Variants in CNST observed in about 807,000 individuals in gnomAD.
CNST encodes consortin, connexin sorting protein.
CNST carries 39 observed loss-of-function variants against 72.4 expected under a neutral mutation model. The ratio of observed to expected loss-of-function variants is 0.54; its 90% CI spans 0.42 to 0.70. The LOEUF (loss-of-function observed/expected upper bound fraction) is 0.70, where lower values mean the gene tolerates loss of function less well. CNST is among the 30% of genes least tolerant of loss of function. The probability of loss-of-function intolerance (pLI) is 0.00; values close to 1 mark genes in which losing one functional copy is unlikely to be tolerated. For synonymous variants in CNST, 332 were observed against 320.1 expected (o/e 1.04, Z -0.40); for missense variants, 871 against 868.5 (o/e 1.00, Z -0.04).
intron 4 of CNST, among the ~76,000 whole-genome samples, 163 bp from the exon 5 acceptor site, chr1:246,633,761 A>G (rs1006944531): frequency 6.6e-6 from 1 of 151,832 alleles, no homozygotes; most frequent in African/African-American, 2.4e-5. Context: ...AAAAAAAAAA[A>G]GAGAGAAACA....
At chr1:246,605,934 G>C (rs1320458433) in intron 2 of CNST, 2 of 152,078 alleles carry the variant, frequency 1.3e-5, no homozygotes, top group African/African-American at 4.8e-5. Flanking sequence ...TTGGGACTGG[G>C]TCTGAGGAGG....
At chr1:246,643,768 G>A (rs2103125062) in intron 8 of CNST, among the ~76,000 whole-genome samples, 1 of 152,302 alleles carries the variant, frequency 6.6e-6, no homozygotes, top group East Asian at 1.9e-4. Flanking sequence ...ACCAAACAGT[G>A]TTTTAAAGAG....
intron 2 of CNST, among the ~76,000 whole-genome samples, chr1:246,614,452 T>G (rs1268095886): frequency 1.3e-5 from 2 of 152,138 alleles, no homozygotes; most frequent in Non-Finnish European, 2.9e-5. Flanking sequence ...TGCCACTCTT[T>G]ACCTAGGCCT....
At chr1:246,569,920 A>G in intron 1 of CNST, 2 of 983,528 alleles carry the variant, frequency 2.0e-6, no homozygotes, top group Non-Finnish European at 2.4e-6. Flanking sequence ...AGGACCTTCA[A>G]GAAGATTGAA....
rs1491252940 is a variant in CNST, at chr1:246,642,132, G to GTTTTTTTTT, written c.937+95_937+96insTTTTTTTTT. 36 of 198,350 alleles carry GTTTTTTTTT rather than the reference G, an allele frequency of 1.8e-4. 7 individuals carry two copies. The highest frequency in any genetic ancestry group is 1.8e-3 in the African/African-American group (34 of 18,824). The allele number at this position is 198,350 out of a possible 1,614,324, so 12.3% of individuals were successfully genotyped here. On this transcript the variant is annotated intron_variant, in intron 8 of 10. Transcript: ENST00000366513. The stretch of plus-strand genomic sequence containing the variant: ...ACATCTGAATTGCTGCAAAGGATCT[G>GTTTTTTTTT]GTTTTTTTTTTTTTTTTTTTTTGCA...
intron 1 of CNST, among the ~76,000 whole-genome samples, chr1:246,582,930 T>C (rs937962617): frequency 2.0e-5 from 3 of 152,190 alleles, no homozygotes; most frequent in Non-Finnish European, 4.4e-5. Flanking sequence ...AGATTGAAGG[T>C]GCCTGGGGCC....
chr1:246,581,489 C>T (rs1309397704), intron 1 of CNST, among the ~76,000 whole-genome samples: 2 of 152,234 alleles, frequency 1.3e-5, no homozygotes, highest in Non-Finnish European at 2.9e-5. Context: ...TCCCGAACTC[C>T]TGAGCTCGGG....
chr1:246,614,228 T>C (rs752536487), intron 2 of CNST, among the ~76,000 whole-genome samples: 1 of 152,182 alleles, frequency 6.6e-6, no homozygotes, highest in African/African-American at 2.4e-5. Flanking sequence ...ACCCACCCTG[T>C]GTATAGAGAC....
rs535412331 is a variant in CNST, at chr1:246,577,607, G to C, written c.-52+10944G>C. 8.5e-5 allele frequency among the ~76,000 whole-genome samples: 13 copies of C among 152,174 alleles called. No homozygotes were observed. The South Asian group carries it at 2.5e-3, about 29-fold the overall frequency. On this transcript the variant is annotated intron_variant, in intron 1 of 10. Transcript: ENST00000366513. The stretch of plus-strand genomic sequence containing the variant: ...CCAGTTTTATCCCATTTAGTTCACA[G>C]ATTTTCATTTTGCCTTTTTAATGGG...
At chr1:246,632,709 A>G (rs1664853184) in intron 4 of CNST, among the ~76,000 whole-genome samples, 1 of 152,230 alleles carries the variant, frequency 6.6e-6, no homozygotes, top group Non-Finnish European at 1.5e-5. Context: ...TGTGATACAA[A>G]TGAGAAGGCT....
In CNST at chr1:246,591,626, G is replaced by A. The variant is rs770547864; in HGVS notation, c.64G>A (p.Gly22Ser). The change falls in exon 2 of 11, where the codon GGT becomes AGT. Residue 22 changes from glycine to serine, a missense_variant. Physicochemically the swap from Gly to Ser is moderately conservative, Grantham distance 56. Coordinates refer to ENST00000366513, the MANE Select transcript of CNST (RefSeq NM_152609.3). The part of the protein sequence containing the change: ...QIEPQDGCHP[G>S]DSVERSVTCL... Reference sequence around the variant, plus strand: ...AGAACCACAAGATGGATGTCATCCTGGTGACAGCGTGGAAAGGAGTGTGAC... The same window carrying A: ...AGAACCACAAGATGGATGTCATCCTAGTGACAGCGTGGAAAGGAGTGTGAC... The A allele has an allele frequency of 6.2e-7, 1 of 1,614,166 alleles. No homozygotes were observed. The highest frequency in any genetic ancestry group is 1.7e-5 in the Admixed American group (1 of 60,014).
chr1:246,617,902 A>G (rs1263371341), intron 2 of CNST, among the ~76,000 whole-genome samples: 1 of 152,216 alleles, frequency 6.6e-6, no homozygotes, highest in East Asian at 1.9e-4. Flanking sequence ...GCCACGATAG[A>G]ATTCTATTCT....
In CNST at chr1:246,654,793, G is replaced by A. The variant is rs143951808; in HGVS notation, c.1837-5406G>A. On this transcript the variant is annotated intron_variant, in intron 9 of 10. Transcript: ENST00000366513. The stretch of plus-strand genomic sequence containing the variant: ...CATTACTCAAACAAGTATTTGCTAG[G>A]TGCTATCTATATGTAAATTGCTTAT... Among the ~76,000 whole-genome samples, 1,005 of 150,404 alleles carry A rather than the reference G, an allele frequency of 6.7e-3. 3 individuals are homozygous for A. Among genetic ancestry groups the A allele is most frequent in the Non-Finnish European group, 0.011 (735 of 67,828 alleles).
At chr1:246,612,864 G>A (rs900851068) in intron 2 of CNST, among the ~76,000 whole-genome samples, 1 of 152,124 alleles carries the variant, frequency 6.6e-6, no homozygotes, top group African/African-American at 2.4e-5. Flanking sequence ...CAGCCTGGGT[G>A]ACAGAGTGAG....
In CNST at chr1:246,621,487, A is replaced by T; in HGVS notation, c.438A>T (p.Thr146=). Residue 146 remains threonine (T), a synonymous_variant, in exon 3 of 11, where the codon ACA becomes ACT. Transcript: ENST00000366513. ...AAGAAAAAGTACTAAGCGCAGTCAC[A>T]TATGCTGTTGATGATGAAGAAGCTG... is the stretch of plus-strand genomic sequence containing the variant. ...LMQEKVLSAV[T]YAVDDEEAAE... 6.2e-7 allele frequency: 1 copy of T among 1,614,206 alleles called. No homozygotes were observed. The highest frequency in any genetic ancestry group is 8.5e-7 in the Non-Finnish European group (1 of 1,180,032).
intron 3 of CNST, among the ~76,000 whole-genome samples, chr1:246,626,911 G>A (rs3124080): frequency 0.88 from 134,574 of 152,194 alleles, 59,614 homozygotes; most frequent in South Asian, 0.94. Flanking sequence ...TGCCAACTTC[G>A]TCCCTCTAGT....
In CNST at chr1:246,641,557, A is replaced by G. The variant is rs1665690850; in HGVS notation, c.819-192A>G. Among the ~76,000 whole-genome samples, 3 of 152,130 alleles carry G rather than the reference A, an allele frequency of 2.0e-5. No homozygotes were observed. The South Asian group carries it at 6.2e-4, about 32-fold the overall frequency. Reference sequence around the variant, plus strand: ...CAATAGCAGTTGGCCATCTAAGGAGATAAACACATGATATAGCTGCACTTT... The same window carrying G: ...CAATAGCAGTTGGCCATCTAAGGAGGTAAACACATGATATAGCTGCACTTT... On this transcript the variant is annotated intron_variant, in intron 6 of 10. Coordinates refer to ENST00000366513, the MANE Select transcript of CNST (RefSeq NM_152609.3).
intron 2 of CNST, among the ~76,000 whole-genome samples, chr1:246,620,707 T>G: frequency 8.0e-6 from 1 of 124,560 alleles, no homozygotes; most frequent in African/African-American, 3.2e-5. Flanking sequence ...ACGGCTTCAG[T>G]CGTGGTGCAT....
At chr1:246,584,450 T>C (rs988384027) in intron 1 of CNST, among the ~76,000 whole-genome samples, 6 of 151,984 alleles carry the variant, frequency 3.9e-5, no homozygotes, top group African/African-American at 1.4e-4. Flanking sequence ...GGAGCACAAA[T>C]GAAAATTGGT....
Sources: allele counts gnomAD v4.1 joint callset (sites outside exome capture counted in the v4.1 genomes callset), GRCh38; gene constraint gnomAD v4.1.1; transcripts MANE v1.5; gene names NCBI Gene and HGNC (gene_info 2026-07-23, HGNC 2026-07-21).